The following PLEKHM3 variants were observed in gnomAD, a reference collection of about 807,000 sequenced individuals.
PLEKHM3 encodes pleckstrin homology domain containing M3, also known as pleckstrin homology domain-containing family M member 3.
In PLEKHM3, 45 loss-of-function variants were observed where a neutral mutation model predicts 81.8. The observed-to-expected ratio is 0.55, with a 90% CI of 0.43 to 0.71. PLEKHM3 has a LOEUF of 0.71. PLEKHM3 is among the 30% of genes least tolerant of loss of function. The probability of loss-of-function intolerance (pLI) is 0.00; values close to 1 mark genes in which losing one functional copy is unlikely to be tolerated. For synonymous variants in PLEKHM3, 352 were observed against 356.4 expected, an observed-to-expected ratio of 0.99 and a Z score of 0.14; for missense variants, 788 against 924.3, an observed-to-expected ratio of 0.85 and a Z score of 1.91.
intron 6 of PLEKHM3, 84 bp from the exon 7 acceptor site, chr2:207,861,346 C>T (rs1217668365): frequency 2.6e-5 from 35 of 1,366,274 alleles, no homozygotes; most frequent in Non-Finnish European, 3.5e-5. Flanking sequence ...GAATTCCTTT[C>T]CTTTACACAA....
rs764212411 is a variant in PLEKHM3, at chr2:207,977,028, A to G, written c.1169T>C (p.Met390Thr). 69 of 1,614,124 alleles carry G rather than the reference A, an allele frequency of 4.3e-5. 1 individual carries two copies. The highest frequency in any genetic ancestry group is 4.4e-5 in the Non-Finnish European group (52 of 1,180,044). The stretch of plus-strand genomic sequence containing the variant: ...GTCTAGCTTGCCAGGCTGAAAAGCC[A>G]TAAGGTAAGCCCTGCTCAGCACAAA... ...FTFVLSRAYL[M>T]AFQPGKLDED... The change falls in exon 3 of 8, where the codon ATG becomes ACG. Residue 390 changes from methionine (M) to threonine (T), a missense_variant. Met to Thr is a moderately conservative substitution (Grantham distance 81, BLOSUM62 -1). Coordinates refer to ENST00000427836, the MANE Select transcript of PLEKHM3 (RefSeq NM_001080475.3).
intron 3 of PLEKHM3, among the ~76,000 whole-genome samples, chr2:207,956,951 G>T (rs916357546): frequency 2.0e-5 from 3 of 151,980 alleles, no homozygotes; most frequent in Non-Finnish European, 1.5e-5. Context: ...GCACCAGTTT[G>T]ACTTGATTAG....
rs2092366516 is a variant in PLEKHM3, at chr2:207,843,688, T to C, written c.2109-15192A>G. On this transcript the variant is annotated intron_variant, in intron 7 of 7. Coordinates refer to ENST00000427836, the MANE Select transcript of PLEKHM3 (RefSeq NM_001080475.3). This position sits in a 1 kb window ranked among gnomAD's most constrained non-coding sequence, Gnocchi z 4.4. ...GGGAAATTTGCTTGTCTCTTTGCAA[T>C]CTAGAATTTGAAGATTTTCTTTCCA... is the stretch of plus-strand genomic sequence containing the variant. 6.6e-6 allele frequency among the ~76,000 whole-genome samples: 1 copy of C among 152,314 alleles called. No homozygotes were observed. The highest frequency in any genetic ancestry group is 2.1e-4 in the South Asian group (1 of 4,826).
At chr2:207,840,397 A>C (rs368109745) in intron 7 of PLEKHM3, among the ~76,000 whole-genome samples, 1 of 151,988 alleles carries the variant, frequency 6.6e-6, no homozygotes, top group African/African-American at 2.4e-5. Context: ...AGTTTCTGCT[A>C]TGTTGCCCAG....
rs66843432 is a variant in PLEKHM3, at chr2:207,943,867, C to CAAAAAAA, written c.1692+2493_1692+2499dup. ...TGGGCGACAGAGCGAGACTCCGTCT[C>CAAAAAAA]AAAAAAAAAAAAAAAAAAAAAAAAG... On this transcript the variant is annotated intron_variant, in intron 4 of 7. Transcript: ENST00000427836. Among the ~76,000 whole-genome samples, 67 of 75,754 alleles carry CAAAAAAA rather than the reference C, an allele frequency of 8.8e-4. 1 individual carries two copies. The highest frequency in any genetic ancestry group is 3.2e-3 in the African/African-American group (60 of 18,644). 49.7% of individuals were successfully genotyped at this position (75,754 alleles called of 152,430 possible). A position where few individuals can be genotyped will look rare whatever the true frequency, so the allele number is the denominator to read the frequency against.
intron 1 of PLEKHM3, among the ~76,000 whole-genome samples, chr2:208,023,113 G>A (rs1168411099): frequency 6.6e-6 from 1 of 151,290 alleles, no homozygotes; most frequent in Admixed American, 6.6e-5. Flanking sequence ...TTTAAATTGT[G>A]GTAAAATATA....
chr2:207,954,097 G>A (rs1237408285), intron 3 of PLEKHM3, among the ~76,000 whole-genome samples: 1 of 152,178 alleles, frequency 6.6e-6, no homozygotes, highest in African/African-American at 2.4e-5. Context: ...CAAGATGGGA[G>A]GATTGCTTGT....
At chr2:207,995,599 T>A (rs1692094618) in intron 2 of PLEKHM3, among the ~76,000 whole-genome samples, 1 of 152,210 alleles carries the variant, frequency 6.6e-6, no homozygotes, top group South Asian at 2.1e-4. Context: ...ATGCTCCCTG[T>A]GCCTCAGTTT....
chr2:207,865,798 AAAAAGAT>A (rs1212523538), intron 6 of PLEKHM3, among the ~76,000 whole-genome samples: 8 of 44,398 alleles, frequency 1.8e-4, no homozygotes, highest in African/African-American at 1.1e-3. Flanking sequence ...AAAAAAAAAA[AAAAAGAT>A]ATATATATAT....
chr2:207,929,406 G>A (rs913810234), intron 5 of PLEKHM3, among the ~76,000 whole-genome samples: 2 of 152,146 alleles, frequency 1.3e-5, no homozygotes, highest in African/African-American at 4.8e-5. Flanking sequence ...TACCATAAAG[G>A]TATCTAACAT....
At chr2:207,839,981 A>G (rs908398764) in intron 7 of PLEKHM3, among the ~76,000 whole-genome samples, 4 of 152,210 alleles carry the variant, frequency 2.6e-5, no homozygotes, top group Non-Finnish European at 5.9e-5. Context: ...CTCTAGACTT[A>G]GTGAATCATA....
intron 6 of PLEKHM3, among the ~76,000 whole-genome samples, chr2:207,877,611 G>A (rs1300413398): frequency 6.6e-6 from 1 of 152,216 alleles, no homozygotes; most frequent in Non-Finnish European, 1.5e-5. Flanking sequence ...ACTAGCTTAT[G>A]TAAACTGAGA....
At chr2:207,847,686 C>T (rs7581436) in intron 7 of PLEKHM3, among the ~76,000 whole-genome samples, 98,092 of 152,048 alleles carry the variant, frequency 0.65, 32,225 homozygotes, top group African/African-American at 0.73. Context: ...TCCTCTTCAA[C>T]ACCAGAGAAA....
chr2:207,939,520 G>C (rs1186692616), intron 4 of PLEKHM3, among the ~76,000 whole-genome samples: 1 of 152,176 alleles, frequency 6.6e-6, no homozygotes, highest in African/African-American at 2.4e-5. Context: ...CGAAGGCTAA[G>C]AGAATTGTAT....
rs368826235 is a variant in PLEKHM3 at position 208,001,617 on chromosome 2, T to C, written c.23A>G (p.Asp8Gly). Residue 8 changes from aspartate to glycine, a missense_variant, in exon 2 of 8, where the codon GAT becomes GGT. Transcript: ENST00000427836. MEALEVD[D>G]ISPALEVTEE... ...CGTAACTTCTAAGGCTGGGCTGATA[T>C]CATCCACTTCCAAAGCTTCCATGTC... 1.5e-5 allele frequency: 24 copies of C among 1,613,790 alleles called. No homozygotes were observed. In the African/African-American group the frequency reaches 1.7e-4, roughly 12 times the overall value.
chr2:207,844,854 C>G (rs2105892427), intron 7 of PLEKHM3, among the ~76,000 whole-genome samples: 1 of 152,278 alleles, frequency 6.6e-6, no homozygotes, highest in East Asian at 1.9e-4. Context: ...GATTCAGCAG[C>G]CTGGATCTTC....
intron 3 of PLEKHM3, among the ~76,000 whole-genome samples, chr2:207,970,348 A>G (rs1263026135): frequency 6.8e-6 from 1 of 147,844 alleles, no homozygotes; most frequent in Non-Finnish European, 1.5e-5. Flanking sequence ...CCCAGGTCCT[A>G]ACAACATACT....
At chr2:207,963,662 G>C (rs1690813269) in intron 3 of PLEKHM3, among the ~76,000 whole-genome samples, 1 of 152,116 alleles carries the variant, frequency 6.6e-6, no homozygotes, top group African/African-American at 2.4e-5. Flanking sequence ...ATGATATTAG[G>C]ATGTATTAAA....
At chr2:207,948,403 T>C (rs1405838298) in intron 3 of PLEKHM3, among the ~76,000 whole-genome samples, 1 of 138,174 alleles carries the variant, frequency 7.2e-6, no homozygotes, top group African/African-American at 2.8e-5. Flanking sequence ...TTGTCCAAGC[T>C]GGAGTGCAGT....
Sources: gnomAD v4.1 joint callset for allele counts (sites outside exome capture counted in the v4.1 genomes callset) on GRCh38, gnomAD v4.1.1 for gene constraint, Gnocchi (gnomAD v3.1) non-coding constraint, MANE v1.5 for transcripts, NCBI Gene and HGNC (gene_info 2026-07-23, HGNC 2026-07-21) for gene names.